Variants in GRID1 observed in about 807,000 individuals in gnomAD.
GRID1 encodes the protein glutamate ionotropic receptor delta type subunit 1.
GRID1 carries 28 observed loss-of-function variants against 98.0 expected under a neutral mutation model. The ratio of observed to expected loss-of-function variants is 0.29; its 90% CI spans 0.21 to 0.39. GRID1 has a LOEUF of 0.39. Ranked by LOEUF, GRID1 falls within the 10% of genes least tolerant of loss-of-function variation. The probability of loss-of-function intolerance (pLI) is 1.00; values close to 1 mark genes in which losing one functional copy is unlikely to be tolerated. For missense variants in GRID1, 1,111 were observed against 1,340.5 expected (o/e 0.83, Z 2.67); for synonymous variants, 553 against 538.5 (o/e 1.03, Z -0.37).
chr10:85,800,174 CTA>C (rs909686175), intron 8 of GRID1, among the ~76,000 whole-genome samples: 2 of 150,946 alleles, frequency 1.3e-5, no homozygotes, highest in African/African-American at 4.9e-5. Context: ...AAAAAAAACT[CTA>C]AAACTCTATT....
intron 4 of GRID1, among the ~76,000 whole-genome samples, chr10:86,051,223 AG>A: frequency 6.6e-6 from 1 of 151,858 alleles, no homozygotes; most frequent in South Asian, 2.1e-4. Context: ...CATATACACA[AG>A]ATTTTAGTAT....
In GRID1 at chr10:85,849,178, G is replaced by C. The variant is rs184568820; in HGVS notation, c.1233+5318C>G. ...TTACAACTTCTGAACCCGAGAATTT[G>C]GGGCAATTTGTAACACTGCATAGCA... On this transcript the variant is annotated intron_variant, in intron 8 of 15. Coordinates refer to ENST00000327946, the MANE Select transcript of GRID1 (RefSeq NM_017551.3). Among the ~76,000 whole-genome samples, 409 of 152,240 alleles carry C rather than the reference G, an allele frequency of 2.7e-3. 5 individuals are homozygous for C. The highest frequency in any genetic ancestry group is 4.9e-3 in the Admixed American group (75 of 15,300).
Position 85,687,755 on chromosome 10 carries a change from G to T in GRID1, c.1997+35248C>A, listed in dbSNP as rs115315222. Among the ~76,000 whole-genome samples, 780 of 152,250 alleles carry T rather than the reference G, an allele frequency of 5.1e-3. 12 individuals carry two copies. The highest frequency in any genetic ancestry group is 0.018 in the African/African-American group (745 of 41,560). ...ATTTTAAAAAGAACACAAACGAAGTGGGAAAAGTTCAAGAACAATTTAAGG... is the reference window on the plus strand; with the variant it reads ...ATTTTAAAAAGAACACAAACGAAGTTGGAAAAGTTCAAGAACAATTTAAGG... On this transcript the variant is annotated intron_variant, in intron 12 of 15. Coordinates refer to ENST00000327946, the MANE Select transcript of GRID1 (RefSeq NM_017551.3).
chr10:85,652,414 C>T (rs765697209), intron 12 of GRID1, among the ~76,000 whole-genome samples: 1 of 152,154 alleles, frequency 6.6e-6, no homozygotes, highest in Non-Finnish European at 1.5e-5. Context: ...CGGATTTCAA[C>T]AACGGTGGGG....
intron 12 of GRID1, among the ~76,000 whole-genome samples, chr10:85,687,437 T>C (rs1841282122): frequency 6.6e-6 from 1 of 152,046 alleles, no homozygotes; most frequent in African/African-American, 2.4e-5. Context: ...AAATTTGAAT[T>C]TGTATGGTAA....
At chr10:86,271,940 T>G (rs1401564364) in intron 2 of GRID1, among the ~76,000 whole-genome samples, 1 of 152,044 alleles carries the variant, frequency 6.6e-6, no homozygotes, top group Non-Finnish European at 1.5e-5. Flanking sequence ...TAAGAAATCA[T>G]AAGCACAAGA....
intron 3 of GRID1, among the ~76,000 whole-genome samples, chr10:86,193,886 A>G (rs1357191119): frequency 6.6e-6 from 1 of 151,748 alleles, no homozygotes; most frequent in African/African-American, 2.4e-5. Context: ...CACTCCCACC[A>G]AGCTGCAGAT....
chr10:85,974,249 G>C (rs564095328), intron 4 of GRID1, among the ~76,000 whole-genome samples: 19 of 152,074 alleles, frequency 1.2e-4, no homozygotes, highest in Middle Eastern at 6.8e-3. Context: ...AATACCGAGG[G>C]AAAGTCACAC....
intron 12 of GRID1, among the ~76,000 whole-genome samples, chr10:85,707,834 A>G (rs1841537999): frequency 6.6e-6 from 1 of 152,050 alleles, no homozygotes; most frequent in Non-Finnish European, 1.5e-5. Flanking sequence ...GAAGCTGGAA[A>G]CCATCATTCT....
intron 2 of GRID1, among the ~76,000 whole-genome samples, chr10:86,306,551 G>C (rs1306043708): frequency 6.6e-6 from 1 of 152,216 alleles, no homozygotes; most frequent in African/African-American, 2.4e-5. Context: ...GGGACTTCAA[G>C]ATGAAGGCCT....
intron 13 of GRID1, among the ~76,000 whole-genome samples, chr10:85,626,389 G>A (rs1191893079): frequency 1.3e-5 from 2 of 152,202 alleles, no homozygotes; most frequent in African/African-American, 4.8e-5. Flanking sequence ...TTCACCTACT[G>A]TCTTTGCTCT....
intron 14 of GRID1, 144 bp from the exon 15 acceptor site, chr10:85,613,791 C>G (rs1430886219): frequency 1.0e-6 from 1 of 966,360 alleles, no homozygotes; most frequent in Non-Finnish European, 1.5e-6. Context: ...TCTTCTCTTC[C>G]CAGTCTACTC....
intron 13 of GRID1, among the ~76,000 whole-genome samples, chr10:85,643,564 T>G (rs1023866024): frequency 3.9e-5 from 6 of 152,086 alleles, no homozygotes. Context: ...CCAGTAGTCA[T>G]CCAAACAGGC....
At chr10:86,128,789 T>C (rs1290162184) in intron 4 of GRID1, among the ~76,000 whole-genome samples, 2 of 152,158 alleles carry the variant, frequency 1.3e-5, no homozygotes, top group East Asian at 3.9e-4. Context: ...TTCATGCCCA[T>C]ATCTTTACAT....
At chr10:86,348,350 G>A (rs767618041) in intron 2 of GRID1, among the ~76,000 whole-genome samples, 28 of 152,372 alleles carry the variant, frequency 1.8e-4, no homozygotes, top group East Asian at 5.8e-4. Flanking sequence ...GCCCCGGCCC[G>A]GGCAGAGGAA....
intron 3 of GRID1, among the ~76,000 whole-genome samples, chr10:86,188,287 C>T (rs1435351205): frequency 6.6e-6 from 1 of 152,220 alleles, no homozygotes; most frequent in Non-Finnish European, 1.5e-5. Flanking sequence ...GGCTAGAATG[C>T]CCGTTCAGCT....
At chr10:85,652,293 C>A (rs1843282077) in intron 12 of GRID1, among the ~76,000 whole-genome samples, 1 of 152,150 alleles carries the variant, frequency 6.6e-6, no homozygotes, top group South Asian at 2.1e-4. Context: ...TGAGAAAAAT[C>A]AATAATACAG....
At chr10:86,274,898 T>C (rs974421160) in intron 2 of GRID1, among the ~76,000 whole-genome samples, 4 of 152,014 alleles carry the variant, frequency 2.6e-5, no homozygotes, top group Admixed American at 2.6e-4. Flanking sequence ...TTGAATACCC[T>C]TTATTTCCTT....
chr10:86,091,046 C>T (rs565252220), intron 4 of GRID1, among the ~76,000 whole-genome samples: 1 of 152,300 alleles, frequency 6.6e-6, no homozygotes, highest in South Asian at 2.1e-4. Context: ...ATCAGGATGG[C>T]AGACAGAGAA....
Sources: allele counts gnomAD v4.1 joint callset (sites outside exome capture counted in the v4.1 genomes callset), GRCh38; gene constraint gnomAD v4.1.1; transcripts MANE v1.5; gene names NCBI Gene and HGNC (gene_info 2026-07-23, HGNC 2026-07-21).